Variants in AOX1 observed in about 807,000 individuals in gnomAD.
AOX1 encodes the protein aldehyde oxidase 1.
Under a neutral mutation model 169.5 loss-of-function variants are expected in AOX1, and 153 were observed. That is an observed-to-expected ratio of 0.90 (90% CI 0.79 to 1.03). The LOEUF is 1.03. Ranked by LOEUF, AOX1 falls within the 50% of genes least tolerant of loss-of-function variation. The pLI is 0.00. For synonymous variants in AOX1, 562 were observed against 581.9 expected, an observed-to-expected ratio of 0.97 and a Z score of 0.49; for missense variants, 1,656 against 1,663.9, an observed-to-expected ratio of 1.00 and a Z score of 0.08.
chr2:200,620,074 A>G (rs1293262839), intron 16 of AOX1, among the ~76,000 whole-genome samples: 2 of 152,224 alleles, frequency 1.3e-5, no homozygotes, highest in Non-Finnish European at 2.9e-5. Flanking sequence ...TGGAATTTCC[A>G]TTTGAGATGT....
chr2:200,590,627 C>T (rs2034150250), intron 1 of AOX1, among the ~76,000 whole-genome samples: 2 of 152,162 alleles, frequency 1.3e-5, no homozygotes, highest in African/African-American at 2.4e-5. Flanking sequence ...AGCCAGATTC[C>T]AATCCCTTGA....
intron 2 of AOX1, among the ~76,000 whole-genome samples, chr2:200,595,063 C>A (rs2106366640): frequency 6.6e-6 from 1 of 152,126 alleles, no homozygotes; most frequent in East Asian, 1.9e-4. Context: ...AGGGAGAATG[C>A]AAGATATAAC....
intron 11 of AOX1, 38 bp from the exon 12 acceptor site, chr2:200,609,283 T>C: frequency 6.2e-7 from 1 of 1,605,994 alleles, no homozygotes; most frequent in Non-Finnish European, 8.5e-7. Context: ...TGCTTTTTTA[T>C]GATTACATAA....
rs1419011665 is a variant in AOX1, at chr2:200,597,470, A to G, written c.274A>G (p.Ile92Val). Residue 92 changes from isoleucine (I) to valine (V), a missense_variant, in exon 4 of 35, where the codon ATA becomes GTA. Coordinates refer to ENST00000374700, the MANE Select transcript of AOX1 (RefSeq NM_001159.4). ...TGCTGCCGTCACCACAGTAGAAGGC[A>G]TAGGAAGCACCCACACCAGAATTCA... ...YGAAVTTVEG[I>V]GSTHTRIHPV... is the part of the protein sequence containing the mutation. The G allele has an allele frequency of 1.2e-6, 2 of 1,612,704 alleles. No individual in the cohort carries two copies. Among genetic ancestry groups the G allele is most frequent in the African/African-American group, 2.7e-5 (2 of 75,044 alleles).
chr2:200,611,889 G>A (rs1574920166), intron 13 of AOX1, among the ~76,000 whole-genome samples: 1 of 152,008 alleles, frequency 6.6e-6, no homozygotes, highest in East Asian at 1.9e-4. Flanking sequence ...ATTTTTAGTA[G>A]AGACGGGGTT....
At chr2:200,650,888 C>A in intron 25 of AOX1, 86 bp from the exon 26 acceptor site, 1 of 1,270,810 alleles carries the variant, frequency 7.9e-7, no homozygotes, top group Non-Finnish European at 1.1e-6. Flanking sequence ...ACAGGATGGG[C>A]AGAATTTGAC....
intron 18 of AOX1, 52 bp from the exon 19 acceptor site, chr2:200,623,809 A>T: frequency 6.2e-7 from 1 of 1,610,754 alleles, no homozygotes. Flanking sequence ...TGAATAAAAG[A>T]GAGGACCTGA....
rs907359314 is a variant in AOX1 at position 200,663,113 on chromosome 2, T to C, written c.3543+144T>C. 6 of 628,498 alleles carry C rather than the reference T, an allele frequency of 9.5e-6. 1 individual carries two copies. The highest frequency in any genetic ancestry group is 1.1e-5 in the Non-Finnish European group (4 of 355,352). 38.9% of individuals were successfully genotyped at this position (628,498 alleles called of 1,614,324 possible). A position where few individuals can be genotyped will look rare whatever the true frequency, so the allele number is the denominator to read the frequency against. On this transcript the variant is annotated intron_variant, in intron 31 of 34. Coordinates refer to ENST00000374700, the MANE Select transcript of AOX1 (RefSeq NM_001159.4). The stretch of plus-strand genomic sequence containing the variant: ...ATTTCCCTGGATTACCAGAAGAAAA[T>C]AGAATCCCCACAATTGCCTTGGTGA...
intron 26 of AOX1, among the ~76,000 whole-genome samples, chr2:200,653,519 G>A (rs1045750347): frequency 6.6e-6 from 1 of 152,210 alleles, no homozygotes; most frequent in Non-Finnish European, 1.5e-5. Flanking sequence ...GAAGCTCATA[G>A]GGATTCTCTC....
At position 200,670,732 on chromosome 2, in the gene AOX1, T is replaced by G; in HGVS notation, c.*53T>G. 1 of 1,419,766 alleles carries G rather than the reference T, an allele frequency of 7.0e-7. No individual in the cohort carries two copies. The highest frequency in any genetic ancestry group is 9.9e-7 in the Non-Finnish European group (1 of 1,006,350). 87.9% of individuals were successfully genotyped at this position (1,419,766 alleles called of 1,614,324 possible). A position where few individuals can be genotyped will look rare whatever the true frequency, so the allele number is the denominator to read the frequency against. On this transcript the variant is annotated 3_prime_UTR_variant, in exon 35 of 35. Transcript: ENST00000374700. ...GAGTGCCTCTTCCCAGATGGCAATC[T>G]GTCCTATCTCTGTGCTGGAAGATGC...
At chr2:200,655,925 TAAGGCTTAGGA>T (rs2035673086) in intron 26 of AOX1, among the ~76,000 whole-genome samples, 1 of 152,216 alleles carries the variant, frequency 6.6e-6, no homozygotes, top group African/African-American at 2.4e-5. Context: ...AGTGAGCAAC[TAAGGCTTAGGA>T]AAATTTTTGG....
intron 1 of AOX1, among the ~76,000 whole-genome samples, chr2:200,591,732 T>A (rs1011678228): frequency 1.3e-5 from 2 of 152,130 alleles, no homozygotes; most frequent in African/African-American, 2.4e-5. Flanking sequence ...CATGTTAAAT[T>A]TAGGCATATA....
In AOX1 at chr2:200,668,697, G is replaced by A. The variant is rs373230627; in HGVS notation, c.3692G>A (p.Arg1231His). 45 of 1,613,984 alleles carry A rather than the reference G, an allele frequency of 2.8e-5. No individual in the cohort carries two copies. The highest frequency in any genetic ancestry group is 1.6e-4 in the Middle Eastern group (1 of 6,084). Reference sequence around the variant, plus strand: ...TCTCCCCAGGGCATTCTGCACACTCGTGGTCCAGACCAATATAAAATCCCT... The same window carrying A: ...TCTCCCCAGGGCATTCTGCACACTCATGGTCCAGACCAATATAAAATCCCT... ...NYSPQGILHT[R>H]GPDQYKIPAI... The change falls in exon 33 of 35, where the codon CGT becomes CAT. Residue 1231 changes from arginine to histidine, a missense_variant. Transcript: ENST00000374700.
At chr2:200,666,596 C>G (rs1235495840) in intron 31 of AOX1, 91 bp from the exon 32 acceptor site, 4 of 810,362 alleles carry the variant, frequency 4.9e-6, no homozygotes, top group Admixed American at 6.1e-5. Flanking sequence ...AGGCTTTATA[C>G]CAAAGTCAGC....
rs1221001712 is a variant in AOX1 at position 200,616,004 on chromosome 2, T to C, written c.1645T>C (p.Tyr549His). The stretch of plus-strand genomic sequence containing the variant: ...TCACTATCCTAGCCTTGCAGACAAG[T>C]ATGAAAGTGCTTTAGAAGATCTTCA... ...PVHYPSLADKYESALEDLHSK... is the reference protein window; with the variant it reads ...PVHYPSLADKHESALEDLHSK... The change falls in exon 16 of 35, where the codon TAT becomes CAT. Residue 549 changes from tyrosine to histidine, a missense_variant. Physicochemically the swap from Tyr to His is moderately conservative, Grantham distance 83 (BLOSUM62 2). Coordinates refer to ENST00000374700, the MANE Select transcript of AOX1 (RefSeq NM_001159.4). The C allele has an allele frequency of 1.2e-6, 2 of 1,613,890 alleles. No homozygotes were observed. Among genetic ancestry groups the C allele is most frequent in the Non-Finnish European group, 1.7e-6 (2 of 1,179,780 alleles).
chr2:200,666,475 A>C (rs185133040), intron 31 of AOX1, among the ~76,000 whole-genome samples: 2 of 152,350 alleles, frequency 1.3e-5, no homozygotes, highest in Admixed American at 6.5e-5. Flanking sequence ...AAAAAAAGAC[A>C]GTGCTTCAGC....
At chr2:200,655,161 T>C (rs536363377) in intron 26 of AOX1, among the ~76,000 whole-genome samples, 1 of 152,348 alleles carries the variant, frequency 6.6e-6, no homozygotes, top group Non-Finnish European at 1.5e-5. Flanking sequence ...GCAAATTTAC[T>C]TACCAAACAT....
At position 200,597,439 on chromosome 2, in the gene AOX1, G is replaced by C. The variant is rs750239330; in HGVS notation, c.243G>C (p.Leu81=). Reference sequence around the variant, plus strand: ...CCTGTCTGATTCCCATCTGTTCTCTGTATGGTGCTGCCGTCACCACAGTAG... The same window carrying C: ...CCTGTCTGATTCCCATCTGTTCTCTCTATGGTGCTGCCGTCACCACAGTAG... ...ANACLIPICS[L]YGAAVTTVEG... Residue 81 remains leucine (L), a synonymous_variant, in exon 4 of 35, where the codon CTG becomes CTC. Transcript: ENST00000374700. 6.2e-7 allele frequency: 1 copy of C among 1,611,900 alleles called. No individual in the cohort carries two copies. The highest frequency in any genetic ancestry group is 1.1e-5 in the South Asian group (1 of 90,386).
At chr2:200,666,128 C>T (rs1000941008) in intron 31 of AOX1, among the ~76,000 whole-genome samples, 1 of 152,060 alleles carries the variant, frequency 6.6e-6, no homozygotes, top group Non-Finnish European at 1.5e-5. Context: ...TGTACTTCTC[C>T]TCATTTGTAG....
Sources: allele counts gnomAD v4.1 joint callset (sites outside exome capture counted in the v4.1 genomes callset), GRCh38; gene constraint gnomAD v4.1.1; transcripts MANE v1.5; gene names NCBI Gene and HGNC (gene_info 2026-07-23, HGNC 2026-07-21).